The following FAM217A variants were observed in gnomAD, a reference collection of about 807,000 sequenced individuals.
FAM217A encodes the protein protein FAM217A.
FAM217A carries 13 observed loss-of-function variants against 18.5 expected under a neutral mutation model. That is an observed-to-expected ratio of 0.70 (90% confidence interval 0.46 to 1.12). The LOEUF (loss-of-function observed/expected upper bound fraction) is 1.12, where lower values mean the gene tolerates loss of function less well. Among genes scored for constraint, FAM217A ranks in the 50% most tolerant of loss-of-function variants. The pLI, the probability that FAM217A is intolerant of heterozygous loss-of-function variation, is 0.00. For missense variants in FAM217A, 560 were observed against 575.4 expected, an observed-to-expected ratio of 0.97 and a Z score of 0.27; for synonymous variants, 161 against 202.8, an observed-to-expected ratio of 0.79 and a Z score of 1.75.
intron 6 of FAM217A, among the ~76,000 whole-genome samples, chr6:4,070,351 T>C (rs1229629182): frequency 6.6e-6 from 1 of 152,178 alleles, no homozygotes; most frequent in Admixed American, 6.5e-5. Context: ...ACTCAAAAAA[T>C]GTAATTAGGT....
intron 1 of FAM217A, among the ~76,000 whole-genome samples, chr6:4,078,212 C>G (rs987267303): frequency 6.6e-6 from 1 of 151,946 alleles, no homozygotes; most frequent in Non-Finnish European, 1.5e-5. Flanking sequence ...CACCACTACG[C>G]CCAGCTAATT....
At chr6:4,080,942 TG>T (rs1770255828), upstream of FAM217A, among the ~76,000 whole-genome samples, 1 of 151,924 alleles carries the variant, frequency 6.6e-6, no homozygotes, top group African/African-American at 2.4e-5. Flanking sequence ...AAACAAAAGT[TG>T]CTGTCTCCTC....
At chr6:4,077,591 G>T (rs1401181879) in intron 1 of FAM217A, 143 bp from the exon 2 acceptor site, 2 of 706,026 alleles carry the variant, frequency 2.8e-6, no homozygotes, top group Admixed American at 2.3e-5. Context: ...CAGGGTGGGG[G>T]TGACAGTACG....
Sources: gnomAD v4.1 joint callset for allele counts (sites outside exome capture counted in the v4.1 genomes callset) on GRCh38, gnomAD v4.1.1 for gene constraint, MANE v1.5 for transcripts, NCBI Gene and HGNC (gene_info 2026-07-23, HGNC 2026-07-21) for gene names.